Variants in TRAK1 observed in about 807,000 individuals in gnomAD.
The protein encoded by TRAK1 is trafficking kinesin-binding protein 1.
A neutral mutation model predicts 92.1 loss-of-function variants in TRAK1; 33 were observed. The ratio of observed to expected loss-of-function variants is 0.36; its 90% CI spans 0.27 to 0.48. The LOEUF (loss-of-function observed/expected upper bound fraction) is 0.48, where lower values mean the gene tolerates loss of function less well. Among genes scored for constraint, TRAK1 ranks in the 20% least tolerant of loss-of-function variants. The probability of loss-of-function intolerance (pLI) is 0.99; values close to 1 mark genes in which losing one functional copy is unlikely to be tolerated. For missense variants in TRAK1, 1,123 were observed against 1,257.9 expected (o/e 0.89, Z 1.62); for synonymous variants, 521 against 517.3 (o/e 1.01, Z -0.10).
At chr3:42,215,602 C>A (rs573513671) in intron 14 of TRAK1, among the ~76,000 whole-genome samples, 106 of 151,974 alleles carry the variant, frequency 7.0e-4, no homozygotes, top group Non-Finnish European at 1.3e-3. Flanking sequence ...ATGCTTAAGT[C>A]AAGGAAAGAA....
intron 1 of TRAK1, among the ~76,000 whole-genome samples, chr3:42,017,727 T>C (rs2148876285): frequency 6.6e-6 from 1 of 152,354 alleles, no homozygotes; most frequent in South Asian, 2.1e-4. Flanking sequence ...TGATTCATTA[T>C]AGTGAGAAAT....
chr3:42,212,705 A>G (rs2149517150), intron 14 of TRAK1: 1 of 431,042 alleles, frequency 2.3e-6, no homozygotes, highest in Non-Finnish European at 3.1e-6. Flanking sequence ...AGAACTAGTT[A>G]TCATCTTTTT....
At chr3:42,158,139 G>C (rs1302058769) in intron 2 of TRAK1, among the ~76,000 whole-genome samples, 4 of 152,118 alleles carry the variant, frequency 2.6e-5, no homozygotes, top group Non-Finnish European at 5.9e-5. Context: ...ACATCATTTA[G>C]AATATCTAAG....
intron 1 of TRAK1, among the ~76,000 whole-genome samples, chr3:42,032,937 CACTG>C (rs1664937680): frequency 6.6e-6 from 1 of 152,164 alleles, no homozygotes; most frequent in South Asian, 2.1e-4. Context: ...CAAAACAAAC[CACTG>C]ACTGGCTTGT....
chr3:42,057,146 G>A (rs1703234805), intron 1 of TRAK1, among the ~76,000 whole-genome samples: 1 of 152,162 alleles, frequency 6.6e-6, no homozygotes, highest in African/African-American at 2.4e-5. Context: ...GTAATTAAAG[G>A]CACTCTAAAT....
chr3:42,068,540 T>TC (rs1219563498), intron 1 of TRAK1, among the ~76,000 whole-genome samples: 1 of 152,186 alleles, frequency 6.6e-6, no homozygotes, highest in Non-Finnish European at 1.5e-5. Context: ...ATCATTAAGT[T>TC]CATTTTGCAC....
intron 1 of TRAK1, among the ~76,000 whole-genome samples, chr3:42,062,350 T>G (rs564720311): frequency 5.9e-5 from 9 of 152,276 alleles, no homozygotes; most frequent in African/African-American, 2.2e-4. Context: ...TTTTGAATAT[T>G]TTTTTTCCTA....
chr3:42,044,598 G>C (rs966355300), intron 1 of TRAK1, among the ~76,000 whole-genome samples: 2 of 152,216 alleles, frequency 1.3e-5, no homozygotes, highest in African/African-American at 4.8e-5. Flanking sequence ...GAGCCAGAAG[G>C]CTCAAGTTCA....
Position 42,193,254 on chromosome 3 carries a change from A to G in TRAK1, c.900+49A>G, listed in dbSNP as rs745910350. 1.9e-6 allele frequency: 3 copies of G among 1,603,622 alleles called. No homozygotes were observed. In the East Asian group the frequency reaches 6.7e-5, roughly 36 times the overall value. On this transcript the variant is annotated intron_variant, in intron 8 of 15. Coordinates refer to ENST00000327628, the MANE Select transcript of TRAK1 (RefSeq NM_001042646.3). Reference sequence around the variant, plus strand: ...CTGATACAACAATGGCCATGCTGAGACGGGGAAGGGACATTTACTCCAGAA... The same window carrying G: ...CTGATACAACAATGGCCATGCTGAGGCGGGGAAGGGACATTTACTCCAGAA...
chr3:42,181,254 C>T (rs953278663), intron 3 of TRAK1, among the ~76,000 whole-genome samples: 38 of 152,174 alleles, frequency 2.5e-4, no homozygotes, highest in African/African-American at 3.6e-4. Flanking sequence ...GTACAAAATG[C>T]GGCTAAAGGC....
chr3:42,193,118 C>G lies in TRAK1; in HGVS notation c.813C>G (p.Ala271=). ...VQIASISEEL[A]KKTEDAARQQ... is the part of the protein sequence containing the mutation. ...TTGCTAGTATCTCAGAGGAACTGGCCAAGAAGACGGAAGATGCTGCCCGCC... is the reference window on the plus strand; with the variant it reads ...TTGCTAGTATCTCAGAGGAACTGGCGAAGAAGACGGAAGATGCTGCCCGCC... Residue 271 remains alanine, a synonymous_variant, in exon 8 of 16, where the codon GCC becomes GCG. Coordinates refer to ENST00000327628, the MANE Select transcript of TRAK1 (RefSeq NM_001042646.3). 1 of 1,614,140 alleles carries G rather than the reference C, an allele frequency of 6.2e-7. No homozygotes were observed. Among genetic ancestry groups the G allele is most frequent in the African/African-American group, 1.3e-5 (1 of 75,036 alleles).
Position 42,200,970 on chromosome 3 carries a change from G to A in TRAK1, c.1343G>A (p.Ser448Asn). Residue 448 changes from serine to asparagine, a missense_variant, in exon 12 of 16, where the codon AGC (serine) becomes AAC (asparagine). Ser to Asn is a conservative substitution (Grantham distance 46). Transcript: ENST00000327628. ...LSSCVSTPRSSFYGSDIGNVV... is the reference protein window; with the variant it reads ...LSSCVSTPRSNFYGSDIGNVV... ...AGCTGCGTCAGCACCCCCCGGTCCA[G>A]CTTCTACGGCAGCGACATAGGCAAC... 6.2e-7 allele frequency: 1 copy of A among 1,614,188 alleles called. No individual in the cohort carries two copies. Among genetic ancestry groups the A allele is most frequent in the Non-Finnish European group, 8.5e-7 (1 of 1,180,042 alleles).
At chr3:42,077,567 C>T (rs538731799) in intron 1 of TRAK1, among the ~76,000 whole-genome samples, 13 of 152,258 alleles carry the variant, frequency 8.5e-5, no homozygotes, top group Non-Finnish European at 1.3e-4. Flanking sequence ...GGGATACAGG[C>T]GTGAGCCACC....
chr3:42,062,431 TA>T (rs1315001939), intron 1 of TRAK1, among the ~76,000 whole-genome samples: 2 of 152,334 alleles, frequency 1.3e-5, no homozygotes, highest in East Asian at 1.9e-4. Flanking sequence ...CTTTTAGCAT[TA>T]AAAAATATGC....
At chr3:42,119,817 G>C (rs902341988) in intron 1 of TRAK1, among the ~76,000 whole-genome samples, 6 of 152,176 alleles carry the variant, frequency 3.9e-5, no homozygotes, top group Non-Finnish European at 5.9e-5. Context: ...GGGGTTGCAT[G>C]ACCAAAAGGA....
chr3:42,215,676 A>G (rs1362527348), intron 14 of TRAK1, among the ~76,000 whole-genome samples: 2 of 152,228 alleles, frequency 1.3e-5, no homozygotes, highest in African/African-American at 2.4e-5. Flanking sequence ...CAAAAAGAAC[A>G]TGGAAGGCCC....
chr3:42,125,359 T>G, intron 1 of TRAK1, 61 bp from the exon 2 acceptor site: 1 of 1,507,804 alleles, frequency 6.6e-7, no homozygotes, highest in African/African-American at 1.4e-5. Context: ...CAAGTTTAGT[T>G]AACTAGCAGC....
intron 2 of TRAK1, among the ~76,000 whole-genome samples, chr3:42,137,563 T>C (rs1698106416): frequency 1.3e-5 from 2 of 152,366 alleles, no homozygotes; most frequent in African/African-American, 4.8e-5. Flanking sequence ...ATGGGTTTTT[T>C]CCCTTAAACT....
At chr3:42,186,962 G>A (rs185194669) in intron 4 of TRAK1, among the ~76,000 whole-genome samples, 6 of 152,292 alleles carry the variant, frequency 3.9e-5, no homozygotes, top group Admixed American at 6.5e-5. Flanking sequence ...GAGTTAAAAC[G>A]TAACTGCAAT....
Sources: gnomAD v4.1 joint callset for allele counts (sites outside exome capture counted in the v4.1 genomes callset) on GRCh38, gnomAD v4.1.1 for gene constraint, MANE v1.5 for transcripts, NCBI Gene and HGNC (gene_info 2026-07-23, HGNC 2026-07-21) for gene names.